PTPRF: variants seen among roughly 807,000 people sequenced by gnomAD.
PTPRF encodes protein tyrosine phosphatase receptor type F, also known as receptor-type tyrosine-protein phosphatase F.
Under a neutral mutation model 201.8 loss-of-function variants are expected in PTPRF, and 59 were observed. The observed-to-expected ratio is 0.29, with a 90% CI of 0.24 to 0.36. PTPRF has a LOEUF of 0.36. Ranked by LOEUF, PTPRF falls within the 10% of genes least tolerant of loss-of-function variation. The pLI is 1.00. For synonymous variants in PTPRF, 1,088 were observed against 1,089.7 expected (o/e 1.00, Z 0.03); for missense variants, 2,132 against 2,690.5 (o/e 0.79, Z 4.59).
intron 11 of PTPRF, among the ~76,000 whole-genome samples, chr1:43,593,757 G>T (rs553129330): frequency 6.6e-6 from 1 of 150,996 alleles, no homozygotes; most frequent in African/African-American, 2.4e-5. Flanking sequence ...AGGCCAAGGT[G>T]GGCGGATCAC....
chr1:43,620,614 C>T (rs1658986755), intron 31 of PTPRF, 35 bp downstream of exon 31: 1 of 1,603,904 alleles, frequency 6.2e-7, no homozygotes, highest in Admixed American at 1.7e-5. Flanking sequence ...CATAACGCTG[C>T]CTGTCCACAC....
chr1:43,598,682 C>G (rs1197585698), intron 12 of PTPRF, 38 bp from the exon 13 acceptor site: 1 of 1,584,730 alleles, frequency 6.3e-7, no homozygotes, highest in African/African-American at 1.3e-5. Context: ...AGGGTTGATA[C>G]CTCCAGGCCT....
chr1:43,610,427 GA>G (rs1287570827), intron 22 of PTPRF, among the ~76,000 whole-genome samples: 1 of 152,228 alleles, frequency 6.6e-6, no homozygotes, highest in Non-Finnish European at 1.5e-5. Context: ...TGTGAGGCAG[GA>G]ATTCAGACAG....
chr1:43,552,468 G>A (rs1645098278), intron 3 of PTPRF, among the ~76,000 whole-genome samples: 1 of 152,172 alleles, frequency 6.6e-6, no homozygotes, highest in African/African-American at 2.4e-5. Context: ...GTGCAGAGTG[G>A]GTGCTTGGCA....
intron 6 of PTPRF, chr1:43,575,951 C>CAG: frequency 1.5e-6 from 2 of 1,364,310 alleles, no homozygotes; most frequent in Non-Finnish European, 2.0e-6. Flanking sequence ...CCGTGCCTCT[C>CAG]GCCACACCAC....
upstream of PTPRF, among the ~76,000 whole-genome samples, chr1:43,527,658 A>C (rs946195624): frequency 1.3e-5 from 2 of 152,214 alleles, no homozygotes; most frequent in African/African-American, 4.8e-5. Context: ...TGCTAACTTC[A>C]ACCACAGGAA....
chr1:43,609,308 G>C, intron 21 of PTPRF, 75 bp from the exon 22 acceptor site: 1 of 1,247,250 alleles, frequency 8.0e-7, no homozygotes, highest in South Asian at 1.3e-5. Context: ...GGGCTCCTTG[G>C]CAGCCAGCCA....
chr1:43,603,086 G>T lies in PTPRF; in HGVS notation c.2341-330G>T, dbSNP rs916324849. On this transcript the variant is annotated intron_variant, in intron 14 of 33. Transcript: ENST00000359947. The surrounding 1 kb of genome is among the most constrained non-coding windows in gnomAD (Gnocchi z 5.8). The stretch of plus-strand genomic sequence containing the variant: ...GAGCCACGCAAGGTGCTGGGTGCGT[G>T]CGAGGCTGTGCCCTGTTGATATCCT... Among the ~76,000 whole-genome samples, 2 of 152,192 alleles carry T rather than the reference G, an allele frequency of 1.3e-5. No individual in the cohort carries two copies. The highest frequency in any genetic ancestry group is 6.5e-5 in the Admixed American group (1 of 15,290).
At chr1:43,550,187 C>A (rs1185635516) in intron 3 of PTPRF, among the ~76,000 whole-genome samples, 1 of 152,194 alleles carries the variant, frequency 6.6e-6, no homozygotes, top group Non-Finnish European at 1.5e-5. Context: ...CCTCTCCAGC[C>A]TCCAAGGGAG....
chr1:43,591,031 C>T lies in PTPRF; in HGVS notation c.1009C>T (p.Leu337Phe), dbSNP rs771125743. ...AGAGACAACTGCCACCAGTGTCACC[C>T]TCACCTGGGACTCTGGGAACTCGGA... is the stretch of plus-strand genomic sequence containing the variant. ...VTETTATSVT[L>F]TWDSGNSEPV... Residue 337 changes from leucine (L) to phenylalanine (F), a missense_variant, in exon 9 of 34, where the codon CTC becomes TTC. This residue lies in a region of PTPRF where 351 missense variants were observed against 401.7 expected (regional missense o/e 0.87). Coordinates refer to ENST00000359947, the MANE Select transcript of PTPRF (RefSeq NM_002840.5). 1 of 1,614,002 alleles carries T rather than the reference C, an allele frequency of 6.2e-7. No individual in the cohort carries two copies.
chr1:43,587,936 G>A (rs948492933), intron 7 of PTPRF, among the ~76,000 whole-genome samples: 1 of 151,728 alleles, frequency 6.6e-6, no homozygotes, highest in Non-Finnish European at 1.5e-5. Context: ...AAGGCTGGAG[G>A]TCGTGGCCAG....
chr1:43,526,515 T>C (rs1643117554), upstream of PTPRF, among the ~76,000 whole-genome samples: 1 of 152,104 alleles, frequency 6.6e-6, no homozygotes, highest in Admixed American at 6.5e-5. Context: ...TCCCACCTCA[T>C]ACCTGAGAAA....
rs533309589 is a variant in PTPRF, at chr1:43,621,361, C to T, written c.5655+129C>T. The T allele has an allele frequency of 4.9e-5, 62 of 1,258,906 alleles. No individual in the cohort carries two copies. In the African/African-American group the frequency reaches 6.1e-4, roughly 12 times the overall value. 78.0% of individuals were successfully genotyped at this position (1,258,906 alleles called of 1,614,324 possible). On this transcript the variant is annotated intron_variant, in intron 33 of 33. Coordinates refer to ENST00000359947, the MANE Select transcript of PTPRF (RefSeq NM_002840.5). Reference sequence around the variant, plus strand: ...TGCTGCCAACCTTTCACGTGGCCTGCGATAGGCATGGTGGTGTGTGCTTAT... The same window carrying T: ...TGCTGCCAACCTTTCACGTGGCCTGTGATAGGCATGGTGGTGTGTGCTTAT...
At position 43,549,943 on chromosome 1, in the gene PTPRF, C is replaced by T. The variant is rs539134918; in HGVS notation, c.92-3549C>T. On this transcript the variant is annotated intron_variant, in intron 3 of 33. Coordinates refer to ENST00000359947, the MANE Select transcript of PTPRF (RefSeq NM_002840.5). Reference sequence around the variant, plus strand: ...CAGAGGGGAACGGAGAGAGGAACATCAGGCCCGTTGGTAGCTGAGGAGAGG... The same window carrying T: ...CAGAGGGGAACGGAGAGAGGAACATTAGGCCCGTTGGTAGCTGAGGAGAGG... Among the ~76,000 whole-genome samples the T allele has an allele frequency of 3.9e-5, 6 of 152,198 alleles. No individual in the cohort carries two copies. The South Asian group carries it at 1.2e-3, about 32-fold the overall frequency.
intron 14 of PTPRF, among the ~76,000 whole-genome samples, chr1:43,602,956 C>G (rs1160761781): frequency 6.6e-6 from 1 of 152,160 alleles, no homozygotes; most frequent in Non-Finnish European, 1.5e-5. Context: ...GCACCTTAGC[C>G]CATCCTGCCA....
At chr1:43,560,985 G>C (rs12076635) in intron 5 of PTPRF, among the ~76,000 whole-genome samples, 101,056 of 152,090 alleles carry the variant, frequency 0.66, 35,165 homozygotes, top group Non-Finnish European at 0.78. Flanking sequence ...GCAGGCTCTG[G>C]GGAAGGGCTG....
In PTPRF at chr1:43,613,715, G is replaced by A. The variant is rs1657047103; in HGVS notation, c.4071G>A (p.Glu1357=). 1.2e-6 allele frequency: 2 copies of A among 1,613,176 alleles called. No homozygotes were observed. Among genetic ancestry groups the A allele is most frequent in the African/African-American group, 1.3e-5 (1 of 74,918 alleles). ...GCCTCAAGTTCTCCCAGGAGTATGA[G>A]GTGAGATGTTCCCGCCCCCTACCAT... is the stretch of plus-strand genomic sequence containing the variant. The part of the protein sequence containing the change: ...NDGLKFSQEY[E]SIDPGQQFTW... Residue 1357 remains glutamate (E), a splice_region_variant and synonymous_variant, in exon 23 of 34, where the codon GAG becomes GAA. Transcript: ENST00000359947.
At chr1:43,589,647 A>G (rs1384071171) in intron 8 of PTPRF, among the ~76,000 whole-genome samples, 1 of 148,290 alleles carries the variant, frequency 6.7e-6, no homozygotes, top group Non-Finnish European at 1.5e-5. Context: ...GCTTGAGCTC[A>G]GGAGTTTGAG....
chr1:43,560,671 C>T (rs372136239), intron 5 of PTPRF, among the ~76,000 whole-genome samples: 10 of 152,286 alleles, frequency 6.6e-5, no homozygotes, highest in African/African-American at 2.4e-4. Context: ...CCAGGAAGTT[C>T]GACAGAGTTG....
Sources: allele counts gnomAD v4.1 joint callset (sites outside exome capture counted in the v4.1 genomes callset), GRCh38; gene constraint gnomAD v4.1.1; regional missense constraint gnomAD v4.1.1; non-coding constraint Gnocchi (gnomAD v3.1); transcripts MANE v1.5; gene names NCBI Gene and HGNC (gene_info 2026-07-23, HGNC 2026-07-21).